PAM: variants seen among roughly 807,000 people sequenced by gnomAD.
PAM encodes peptidyl-glycine alpha-amidating monooxygenase.
PAM carries 72 observed loss-of-function variants against 122.1 expected under a neutral mutation model. That is an observed-to-expected ratio of 0.59 (90% CI 0.49 to 0.72). PAM has a LOEUF of 0.72. PAM is among the 30% of genes least tolerant of loss of function. The pLI, the probability that PAM is intolerant of heterozygous loss-of-function variation, is 0.00. For synonymous variants in PAM, 389 were observed against 404.4 expected (o/e 0.96, Z 0.46); for missense variants, 1,106 against 1,183.7 (o/e 0.93, Z 0.96).
At chr5:102,975,894 G>A (rs1767478717) in intron 15 of PAM, among the ~76,000 whole-genome samples, 1 of 152,158 alleles carries the variant, frequency 6.6e-6, no homozygotes, top group African/African-American at 2.4e-5. Flanking sequence ...ATGGTCATTT[G>A]TAGGCATCAA....
chr5:102,802,824 A>G (rs1341943099), intron 1 of PAM, among the ~76,000 whole-genome samples: 1 of 152,172 alleles, frequency 6.6e-6, no homozygotes, highest in Non-Finnish European at 1.5e-5. Flanking sequence ...CCAGTACTGT[A>G]TGCATTATCT....
chr5:102,926,403 G>A (rs1198045206), intron 6 of PAM, among the ~76,000 whole-genome samples, 182 bp from the exon 7 acceptor site: 2 of 152,180 alleles, frequency 1.3e-5, no homozygotes, highest in African/African-American at 4.8e-5. Flanking sequence ...TCATAGTTTT[G>A]AGGAGATTAT....
At chr5:103,002,972 A>G (rs1477466797) in intron 16 of PAM, 61 bp from the exon 17 acceptor site, 6 of 796,446 alleles carry the variant, frequency 7.5e-6, no homozygotes, top group Non-Finnish European at 9.0e-6. Flanking sequence ...AATGGTCTGC[A>G]TTTCTCAATT....
At chr5:102,814,476 C>T (rs1768986641) in intron 1 of PAM, among the ~76,000 whole-genome samples, 1 of 150,980 alleles carries the variant, frequency 6.6e-6, no homozygotes, top group Non-Finnish European at 1.5e-5. Flanking sequence ...GACCTCAGAT[C>T]TCAAGTAGTT....
chr5:102,790,048 A>G (rs1413377918), intron 1 of PAM, among the ~76,000 whole-genome samples: 1 of 152,036 alleles, frequency 6.6e-6, no homozygotes, highest in Non-Finnish European at 1.5e-5. Flanking sequence ...TACTTCACAT[A>G]ATTCTTGGAA....
intron 23 of PAM, among the ~76,000 whole-genome samples, chr5:103,024,624 A>AT (rs910594293): frequency 2.0e-5 from 3 of 152,168 alleles, no homozygotes; most frequent in African/African-American, 7.2e-5. Context: ...TATTATATAC[A>AT]TTTTTTATGA....
chr5:103,009,682 A>G (rs545979169), intron 20 of PAM, 69 bp from the exon 21 acceptor site: 2 of 833,360 alleles, frequency 2.4e-6, no homozygotes, highest in African/African-American at 1.7e-5. Flanking sequence ...TGCATAATAT[A>G]CATGGATATA....
chr5:102,943,764 A>G (rs1756069475), intron 7 of PAM, among the ~76,000 whole-genome samples: 1 of 152,082 alleles, frequency 6.6e-6, no homozygotes, highest in African/African-American at 2.4e-5. Flanking sequence ...CGGTTCTGAG[A>G]TTCTGTGAGT....
intron 1 of PAM, among the ~76,000 whole-genome samples, chr5:102,806,416 T>C (rs1766240239): frequency 6.6e-6 from 1 of 152,202 alleles, no homozygotes; most frequent in South Asian, 2.1e-4. Flanking sequence ...GCATATAATA[T>C]GAACATTGGA....
chr5:102,859,458 TA>T (rs1273697574), intron 1 of PAM, among the ~76,000 whole-genome samples: 2 of 151,860 alleles, frequency 1.3e-5, no homozygotes, highest in Admixed American at 1.3e-4. Context: ...AGAAAGAAAA[TA>T]TTTTATATAC....
intron 3 of PAM, among the ~76,000 whole-genome samples, chr5:102,892,269 A>G (rs894917364): frequency 6.6e-6 from 1 of 151,882 alleles, no homozygotes; most frequent in Non-Finnish European, 1.5e-5. Flanking sequence ...TAAAGGCAAC[A>G]TGCTGAATAT....
chr5:102,779,937 A>G (rs1758269888), intron 1 of PAM, among the ~76,000 whole-genome samples: 1 of 145,936 alleles, frequency 6.9e-6, no homozygotes, highest in Non-Finnish European at 1.5e-5. Context: ...ATATATATGT[A>G]TATATCTCCT....
chr5:102,798,905 T>C (rs1417388523), intron 1 of PAM, among the ~76,000 whole-genome samples: 1 of 152,196 alleles, frequency 6.6e-6, no homozygotes, highest in Non-Finnish European at 1.5e-5. Context: ...CTTCTCACTG[T>C]CCTAGAATCT....
chr5:102,992,612 G>T (rs939702569), intron 16 of PAM, among the ~76,000 whole-genome samples: 53 of 151,842 alleles, frequency 3.5e-4, no homozygotes, highest in African/African-American at 1.3e-3. Context: ...AGTATATCGG[G>T]TTTTTTTTGT....
At chr5:103,005,066 A>T in intron 17 of PAM, 88 bp from the exon 18 acceptor site, 1 of 736,288 alleles carries the variant, frequency 1.4e-6, no homozygotes. Flanking sequence ...ATAACTTTGC[A>T]TTGTCTTTAC....
chr5:103,025,016 A>C (rs1198545414), intron 23 of PAM, 115 bp from the exon 24 acceptor site: 1 of 698,010 alleles, frequency 1.4e-6, no homozygotes, highest in Non-Finnish European at 2.5e-6. Flanking sequence ...ACCCCTGTAC[A>C]CTGGAGTCAA....
At chr5:102,974,512 G>T in intron 15 of PAM, 76 bp downstream of exon 15, 1 of 896,304 alleles carries the variant, frequency 1.1e-6, no homozygotes, top group Non-Finnish European at 1.7e-6. Flanking sequence ...AAGGGAATAA[G>T]AATTAATGGG....
intron 3 of PAM, among the ~76,000 whole-genome samples, chr5:102,878,094 C>A (rs956196791): frequency 1.3e-5 from 2 of 151,782 alleles, no homozygotes; most frequent in East Asian, 1.9e-4. Flanking sequence ...AAGGAATAAT[C>A]CCTCTATAAT....
At position 102,852,750 on chromosome 5, in the gene PAM, A is replaced by G. The variant is rs1280187033; in HGVS notation, c.-373-13073A>G. Among the ~76,000 whole-genome samples the G allele has an allele frequency of 2.0e-5, 3 of 152,308 alleles. No individual in the cohort carries two copies. In the East Asian group the frequency reaches 5.8e-4, roughly 29 times the overall value. ...AAAGGAACTACCTCCCAGCAAGATA[A>G]TTTACATAAGCCCTTTATTTAGGAA... On this transcript the variant is annotated intron_variant, in intron 1 of 25. Coordinates refer to ENST00000438793, the MANE Select transcript of PAM (RefSeq NM_001177306.2).
Sources: gnomAD v4.1 joint callset for allele counts (sites outside exome capture counted in the v4.1 genomes callset) on GRCh38, gnomAD v4.1.1 for gene constraint, MANE v1.5 for transcripts, NCBI Gene and HGNC (gene_info 2026-07-23, HGNC 2026-07-21) for gene names.